CEMIP2: variants seen among roughly 807,000 people sequenced by gnomAD.
The protein encoded by CEMIP2 is cell surface hyaluronidase CEMIP2.
CEMIP2 carries 79 observed loss-of-function variants against 146.9 expected under a neutral mutation model. The ratio of observed to expected loss-of-function variants is 0.54; its 90% CI spans 0.45 to 0.65. The LOEUF is 0.65. CEMIP2 is among the 30% of genes least tolerant of loss of function. The pLI is 0.00. For synonymous variants in CEMIP2, 601 were observed against 606.3 expected, an observed-to-expected ratio of 0.99 and a Z score of 0.13; for missense variants, 1,596 against 1,696.2, an observed-to-expected ratio of 0.94 and a Z score of 1.04.
rs1563997922 is a variant in CEMIP2, at chr9:71,700,655, C to T, written c.3364G>A (p.Asp1122Asn). ...TCACTGAATTACCCCGTGCTGGAGT[C>T]AAAATAGAATTTCCTCTCGGATTGC... ...RKQSERKFYF[D>N]SSTGLLFLYL... Residue 1122 changes from aspartate to asparagine, a missense_variant, in exon 19 of 24, where the codon GAC becomes AAC. Transcript: ENST00000377044. The T allele has an allele frequency of 6.2e-7, 1 of 1,600,986 alleles. No homozygotes were observed. The highest frequency in any genetic ancestry group is 1.8e-5 in the Admixed American group (1 of 56,510).
chr9:71,705,167 T>A (rs1822698204), intron 17 of CEMIP2, among the ~76,000 whole-genome samples: 1 of 152,130 alleles, frequency 6.6e-6, no homozygotes, highest in Non-Finnish European at 1.5e-5. Context: ...TGAAAACTGA[T>A]ATCCTCTACT....
At chr9:71,738,186 A>T (rs1039443471) in intron 5 of CEMIP2, among the ~76,000 whole-genome samples, 7 of 152,220 alleles carry the variant, frequency 4.6e-5, no homozygotes, top group African/African-American at 1.7e-4. Flanking sequence ...CCAACAAAAT[A>T]AATTCCCCTA....
chr9:71,714,915 C>A lies in CEMIP2; in HGVS notation c.2591+19G>T, dbSNP rs772768182. ...TTTATTGCTTAAATTTAACACTCCA[C>A]AGCTAAAGCAATGCTTACCTGTTCC... On this transcript the variant is annotated intron_variant, in intron 15 of 23. Transcript: ENST00000377044. 35 of 1,607,974 alleles carry A rather than the reference C, an allele frequency of 2.2e-5. No individual in the cohort carries two copies. The highest frequency in any genetic ancestry group is 2.9e-5 in the Non-Finnish European group (34 of 1,177,862).
chr9:71,736,687 GCTT>G (rs1449258788), intron 5 of CEMIP2, among the ~76,000 whole-genome samples: 1 of 152,064 alleles, frequency 6.6e-6, no homozygotes, highest in Non-Finnish European at 1.5e-5. Flanking sequence ...AATGTTTTCT[GCTT>G]CTTAACATTC....
intron 15 of CEMIP2, among the ~76,000 whole-genome samples, chr9:71,713,674 T>A (rs1017545032): frequency 6.6e-6 from 1 of 152,036 alleles, no homozygotes; most frequent in African/African-American, 2.4e-5. Context: ...TGACAACCAA[T>A]ACAGCTTTTT....
intron 11 of CEMIP2, among the ~76,000 whole-genome samples, chr9:71,723,136 G>GAAAAAA (rs33948828): frequency 3.7e-4 from 39 of 104,086 alleles, no homozygotes; most frequent in East Asian, 6.2e-4. Context: ...AACAGCCAAA[G>GAAAAAA]AAAAAAAAAA....
intron 6 of CEMIP2, 122 bp from the exon 7 acceptor site, chr9:71,732,642 C>T: frequency 3.7e-6 from 3 of 813,410 alleles, no homozygotes; most frequent in Non-Finnish European, 5.0e-6. Flanking sequence ...ATCATCTGCT[C>T]CCATTCTCTG....
Position 71,722,442 on chromosome 9 carries a change from A to G in CEMIP2, c.2252T>C (p.Leu751Ser). ...SAADPREYLCLDNSARFRPHQ... is the reference protein window; with the variant it reads ...SAADPREYLCSDNSARFRPHQ... ...CCAGCTTTACCTTGCACTATTGTCC[A>G]AACAGAGGTATTCCCTTGGGTCAGC... is the stretch of plus-strand genomic sequence containing the variant. The change falls in exon 12 of 24, where the codon TTG becomes TCG. Residue 751 changes from leucine to serine, a missense_variant. Transcript: ENST00000377044. The G allele has an allele frequency of 6.2e-7, 1 of 1,613,594 alleles. No homozygotes were observed. The highest frequency in any genetic ancestry group is 8.5e-7 in the Non-Finnish European group (1 of 1,179,804).
At chr9:71,689,338 C>T (rs1017960312) in intron 22 of CEMIP2, among the ~76,000 whole-genome samples, 7 of 152,204 alleles carry the variant, frequency 4.6e-5, no homozygotes, top group African/African-American at 1.7e-4. Flanking sequence ...TAAGTTCCTT[C>T]CTTAATGGTT....
chr9:71,686,678 A>C (rs1822071199), intron 22 of CEMIP2: 1 of 151,986 alleles, frequency 6.6e-6, no homozygotes, highest in Non-Finnish European at 1.5e-5. Context: ...AATTTGTATA[A>C]ATTTGTGAGG....
At position 71,685,318 on chromosome 9, in the gene CEMIP2, T is replaced by C. The variant is rs1235042187; in HGVS notation, c.4031A>G (p.Gln1344Arg). 2.5e-6 allele frequency: 4 copies of C among 1,609,714 alleles called. No homozygotes were observed. Among genetic ancestry groups the C allele is most frequent in the Admixed American group, 1.7e-5 (1 of 59,392 alleles). Residue 1344 changes from glutamine to arginine, a missense_variant, in exon 24 of 24, where the codon CAG becomes CGG. Transcript: ENST00000377044. ...WTKLFTSPAG[Q>R]GLGVLEQFIP... ...GAATTGTTCAAGCACCCCAAGGCCC[T>C]GTCCAGCAGGACTGGTAAATAGCTT...
chr9:71,752,962 C>T lies in CEMIP2; in HGVS notation c.-12-2577G>A, dbSNP rs527882617. 2.0e-5 allele frequency among the ~76,000 whole-genome samples: 3 copies of T among 152,270 alleles called. No individual in the cohort carries two copies. The South Asian group carries it at 6.2e-4, about 32-fold the overall frequency. The stretch of plus-strand genomic sequence containing the variant: ...AACAAAAGTAATTATTTAGATGAAG[C>T]TCAAGCTTCATGACAAAAGAAAAAC... On this transcript the variant is annotated intron_variant, in intron 1 of 23. Transcript: ENST00000377044.
chr9:71,753,239 T>G (rs1476326595), intron 1 of CEMIP2, among the ~76,000 whole-genome samples: 2 of 152,120 alleles, frequency 1.3e-5, no homozygotes, highest in Non-Finnish European at 2.9e-5. Context: ...ATCTGATACC[T>G]TATTGTTTCA....
chr9:71,718,105 A>C, intron 12 of CEMIP2, 26 bp from the exon 13 acceptor site: 1 of 1,587,072 alleles, frequency 6.3e-7, no homozygotes, highest in African/African-American at 1.4e-5. Flanking sequence ...AGAATTTTAA[A>C]AAATATAACA....
intron 19 of CEMIP2, among the ~76,000 whole-genome samples, chr9:71,700,435 G>A (rs111428086): frequency 7.2e-5 from 11 of 152,164 alleles, no homozygotes; most frequent in Middle Eastern, 3.4e-3. Context: ...GCCTCAATAC[G>A]TATACAGCAA....
intron 1 of CEMIP2, among the ~76,000 whole-genome samples, chr9:71,756,215 G>GTAGATAGATAGATAGATAGACAGACAGA (rs1824439249): frequency 9.5e-6 from 1 of 105,168 alleles, no homozygotes; most frequent in African/African-American, 3.0e-5. Context: ...AGATAGATAG[G>GTAGATAGATAGATAGATAGACAGACAGA]CTATATATAT....
At position 71,750,068 on chromosome 9, in the gene CEMIP2, T is replaced by G. The variant is rs1824200535; in HGVS notation, c.306A>C (p.Gly102=). The part of the protein sequence containing the change: ...SFFIALAIIL[G]ISSKYAPDEN... ...CATCTGGAGCATATTTTGAGGATAT[T>G]CCTAAAATGATTGCAAGTGCAATAA... is the stretch of plus-strand genomic sequence containing the variant. Residue 102 remains glycine (G), a synonymous_variant, in exon 2 of 24, where the codon GGA becomes GGC. Coordinates refer to ENST00000377044, the MANE Select transcript of CEMIP2 (RefSeq NM_013390.3). The G allele has an allele frequency of 1.2e-6, 2 of 1,608,518 alleles. No individual in the cohort carries two copies. The highest frequency in any genetic ancestry group is 1.3e-5 in the African/African-American group (1 of 74,784).
chr9:71,698,364 T>C, intron 19 of CEMIP2, 160 bp from the exon 20 acceptor site: 1 of 637,758 alleles, frequency 1.6e-6, no homozygotes, highest in Non-Finnish European at 2.7e-6. Context: ...TTTCTTTCTA[T>C]CCTTCAAGGG....
chr9:71,728,227 C>A (rs376997038), intron 10 of CEMIP2, among the ~76,000 whole-genome samples: 4,168 of 18,502 alleles, frequency 0.23, 1,049 homozygotes, highest in East Asian at 0.36. Context: ...CTCTCTCTCT[C>A]TCTCTATATA....
Sources: allele counts gnomAD v4.1 joint callset (sites outside exome capture counted in the v4.1 genomes callset), GRCh38; gene constraint gnomAD v4.1.1; transcripts MANE v1.5; gene names NCBI Gene and HGNC (gene_info 2026-07-23, HGNC 2026-07-21).